MACROD2: variants seen among roughly 807,000 people sequenced by gnomAD.
MACROD2 encodes the protein mono-ADP ribosylhydrolase 2, also known as ADP-ribose glycohydrolase MACROD2.
MACROD2 carries 36 observed loss-of-function variants against 70.4 expected under a neutral mutation model. That is an observed-to-expected ratio of 0.51 (90% CI 0.39 to 0.68). MACROD2 has a LOEUF of 0.68. Ranked by LOEUF, MACROD2 falls within the 30% of genes least tolerant of loss-of-function variation. MACROD2 has a pLI of 0.00. For missense variants in MACROD2, 496 were observed against 538.4 expected, an observed-to-expected ratio of 0.92 and a Z score of 0.78; for synonymous variants, 172 against 178.8, an observed-to-expected ratio of 0.96 and a Z score of 0.30.
At chr20:15,750,657 C>T (rs993175299) in intron 8 of MACROD2, among the ~76,000 whole-genome samples, 2 of 151,888 alleles carry the variant, frequency 1.3e-5, no homozygotes, top group African/African-American at 2.4e-5. Flanking sequence ...GAAGAAATAT[C>T]TACATTCCCA....
intron 8 of MACROD2, among the ~76,000 whole-genome samples, chr20:15,558,933 T>C (rs960040109): frequency 6.6e-6 from 1 of 152,230 alleles, no homozygotes; most frequent in African/African-American, 2.4e-5. Context: ...CATTTAGTTA[T>C]GCTACTAGGA....
intron 5 of MACROD2, among the ~76,000 whole-genome samples, chr20:15,166,118 G>A (rs1294747745): frequency 2.0e-5 from 3 of 152,202 alleles, no homozygotes; most frequent in East Asian, 1.9e-4. Context: ...AAATGGGCAC[G>A]GAGGATCTTT....
intron 8 of MACROD2, among the ~76,000 whole-genome samples, chr20:15,679,559 G>A (rs188130874): frequency 3.9e-5 from 6 of 152,286 alleles, no homozygotes; most frequent in Admixed American, 1.3e-4. Context: ...TGCTGTGCAG[G>A]TTCTGGAGCT....
chr20:14,212,807 C>T (rs576875676), intron 3 of MACROD2, among the ~76,000 whole-genome samples: 1 of 151,398 alleles, frequency 6.6e-6, no homozygotes, highest in Non-Finnish European at 1.5e-5. Flanking sequence ...TTGAGTGTTT[C>T]TCAAACTTGA....
intron 8 of MACROD2, among the ~76,000 whole-genome samples, chr20:15,500,469 ATAAC>A (rs1192930521): frequency 1.3e-5 from 2 of 152,210 alleles, no homozygotes; most frequent in Non-Finnish European, 2.9e-5. Flanking sequence ...AAGCAGCAAA[ATAAC>A]TAGAGACCGT....
chr20:15,503,434 G>A (rs549221411), intron 8 of MACROD2, among the ~76,000 whole-genome samples: 5 of 152,258 alleles, frequency 3.3e-5, no homozygotes, highest in South Asian at 2.1e-4. Context: ...ACTTGGGTTC[G>A]GCCTCAGTTT....
At chr20:15,002,120 G>A (rs1363617492) in intron 5 of MACROD2, among the ~76,000 whole-genome samples, 1 of 152,136 alleles carries the variant, frequency 6.6e-6, no homozygotes, top group Non-Finnish European at 1.5e-5. Flanking sequence ...TGTCCTCTGG[G>A]TAAATACCCA....
chr20:14,132,805 A>ATTATTT (rs1459152242), intron 3 of MACROD2, among the ~76,000 whole-genome samples: 2 of 151,946 alleles, frequency 1.3e-5, no homozygotes, highest in East Asian at 1.9e-4. Flanking sequence ...TGCCTGGCTA[A>ATTATTT]TTATTTTTAT....
intron 5 of MACROD2, among the ~76,000 whole-genome samples, chr20:14,981,479 G>A (rs567230658): frequency 2.1e-5 from 3 of 144,870 alleles, no homozygotes; most frequent in Admixed American, 6.9e-5. Context: ...TGTGTGTGTC[G>A]GTGTGTGCAT....
chr20:15,484,564 T>A (rs2047141016), intron 7 of MACROD2, among the ~76,000 whole-genome samples: 1 of 152,214 alleles, frequency 6.6e-6, no homozygotes, highest in African/African-American at 2.4e-5. Flanking sequence ...CCCCAATAGT[T>A]TAGGCTCAGG....
At chr20:15,032,430 C>T (rs963286315) in intron 5 of MACROD2, among the ~76,000 whole-genome samples, 1 of 152,224 alleles carries the variant, frequency 6.6e-6, no homozygotes, top group African/African-American at 2.4e-5. Flanking sequence ...TACCAGGTGG[C>T]TGCAGCTGGA....
At chr20:14,273,408 G>A (rs1194825426) in intron 3 of MACROD2, among the ~76,000 whole-genome samples, 1 of 149,794 alleles carries the variant, frequency 6.7e-6, no homozygotes, top group South Asian at 2.2e-4. Flanking sequence ...GGTACATAAC[G>A]AAATGAAGGC....
chr20:15,623,683 T>TCTAC (rs776800267), intron 8 of MACROD2, among the ~76,000 whole-genome samples: 1 of 116,128 alleles, frequency 8.6e-6, no homozygotes, highest in Non-Finnish European at 2.0e-5. Context: ...TATCTGCCTA[T>TCTAC]CTATCTATCT....
At chr20:15,206,893 C>A (rs1302315822) in intron 5 of MACROD2, among the ~76,000 whole-genome samples, 1 of 150,542 alleles carries the variant, frequency 6.6e-6, no homozygotes. Context: ...CCCGCCACCG[C>A]GCCCGGCTAA....
intron 3 of MACROD2, among the ~76,000 whole-genome samples, chr20:14,431,947 C>T (rs565879846): frequency 6.6e-6 from 1 of 152,268 alleles, no homozygotes; most frequent in African/African-American, 2.4e-5. Context: ...ATTTAGAGTA[C>T]TTCCACAGCA....
At chr20:15,029,054 C>G (rs1027705933) in intron 5 of MACROD2, among the ~76,000 whole-genome samples, 6 of 152,140 alleles carry the variant, frequency 3.9e-5, no homozygotes, top group Non-Finnish European at 7.4e-5. Context: ...TGCTGGCTCA[C>G]AGGGCATGGG....
intron 5 of MACROD2, among the ~76,000 whole-genome samples, chr20:14,714,030 A>T (rs1304499909): frequency 6.6e-6 from 1 of 152,172 alleles, no homozygotes; most frequent in East Asian, 1.9e-4. Flanking sequence ...CATAAACAAC[A>T]GGAAGGTAAG....
intron 3 of MACROD2, among the ~76,000 whole-genome samples, chr20:14,461,224 T>C (rs1403538294): frequency 6.6e-6 from 1 of 152,136 alleles, no homozygotes; most frequent in Admixed American, 6.5e-5. Context: ...GAGGTATTTA[T>C]AGTATTCTCT....
intron 8 of MACROD2, among the ~76,000 whole-genome samples, chr20:15,674,365 A>AG (rs1255776736): frequency 1.3e-5 from 2 of 152,060 alleles, no homozygotes; most frequent in Non-Finnish European, 1.5e-5. Flanking sequence ...TAGGATACAG[A>AG]GGTGAGGGGA....
Sources: gnomAD v4.1 joint callset for allele counts (sites outside exome capture counted in the v4.1 genomes callset) on GRCh38, gnomAD v4.1.1 for gene constraint, MANE v1.5 for transcripts, NCBI Gene and HGNC (gene_info 2026-07-23, HGNC 2026-07-21) for gene names.